The following UBL7 variants were observed in gnomAD, a reference collection of about 807,000 sequenced individuals.
UBL7 encodes ubiquitin-like protein 7.
UBL7 carries 21 observed loss-of-function variants against 41.7 expected under a neutral mutation model. The ratio of observed to expected loss-of-function variants is 0.50; its 90% CI spans 0.36 to 0.73. UBL7 has a LOEUF of 0.73. UBL7 is among the 30% of genes least tolerant of loss of function. UBL7 has a pLI of 0.00. For synonymous variants in UBL7, 157 were observed against 186.9 expected (o/e 0.84, Z 1.31); for missense variants, 403 against 478.4 (o/e 0.84, Z 1.47).
chr15:74,447,343 T>A (rs1289424049), intron 10 of UBL7, among the ~76,000 whole-genome samples: 1 of 152,228 alleles, frequency 6.6e-6, no homozygotes, highest in East Asian at 1.9e-4. Context: ...TGCATGGAGC[T>A]GTGAACTACA....
At chr15:74,459,607 G>A (rs1222237231) in intron 1 of UBL7, among the ~76,000 whole-genome samples, 1 of 151,348 alleles carries the variant, frequency 6.6e-6, no homozygotes, top group African/African-American at 2.4e-5. Flanking sequence ...ATGAGCGACT[G>A]CGCCTGGCCA....
intron 4 of UBL7, 80 bp downstream of exon 4, chr15:74,452,216 G>A: frequency 6.9e-7 from 1 of 1,447,782 alleles, no homozygotes; most frequent in Non-Finnish European, 9.4e-7. Context: ...CGGGCTTCCA[G>A]CTCCCACTCC....
chr15:74,448,629 C>G (rs1197013049), intron 9 of UBL7, 29 bp from the exon 10 acceptor site: 1 of 1,612,364 alleles, frequency 6.2e-7, no homozygotes, highest in Admixed American at 1.7e-5. Flanking sequence ...TCAGTGCCAC[C>G]CTCAGCGCCA....
chr15:74,457,819 A>G (rs990146228), intron 2 of UBL7, among the ~76,000 whole-genome samples: 120 of 152,160 alleles, frequency 7.9e-4, no homozygotes, highest in African/African-American at 2.6e-3. Flanking sequence ...AGGCTGCCCA[A>G]TTTAAATCAA....
intron 2 of UBL7, among the ~76,000 whole-genome samples, chr15:74,457,978 G>A (rs920601151): frequency 2.6e-5 from 4 of 151,438 alleles, no homozygotes; most frequent in African/African-American, 7.3e-5. Flanking sequence ...GACTGCCCAC[G>A]CCACTTTTTC....
At chr15:74,456,528 GC>G (rs1455076400) in intron 3 of UBL7, 23 bp downstream of exon 3, 15 of 1,612,764 alleles carry the variant, frequency 9.3e-6, no homozygotes, top group African/African-American at 2.7e-5. Flanking sequence ...AACTCTGCCT[GC>G]CTAAGGGCTG....
chr15:74,450,918 A>G, intron 5 of UBL7, 59 bp from the exon 6 acceptor site: 1 of 1,594,600 alleles, frequency 6.3e-7, no homozygotes, highest in Non-Finnish European at 8.6e-7. Context: ...AGGAGGGAGA[A>G]GAGGCTTTGC....
chr15:74,455,503 T>C (rs866747407), intron 3 of UBL7, among the ~76,000 whole-genome samples: 16 of 152,300 alleles, frequency 1.1e-4, no homozygotes, highest in Middle Eastern at 3.4e-3. Flanking sequence ...AGGCAGTTTG[T>C]AGGAAGATTT....
At chr15:74,450,560 C>T (rs1054043093) in intron 6 of UBL7, among the ~76,000 whole-genome samples, 3 of 152,212 alleles carry the variant, frequency 2.0e-5, no homozygotes, top group South Asian at 2.1e-4. Flanking sequence ...TTCTACCACA[C>T]GAAACCTAAA....
chr15:74,456,462 C>A, intron 3 of UBL7, 90 bp downstream of exon 3: 2 of 1,514,348 alleles, frequency 1.3e-6, no homozygotes. Flanking sequence ...TCCCTTTGTT[C>A]CACCCAGGCT....
At position 74,449,684 on chromosome 15, in the gene UBL7, G is replaced by A. The variant is rs1318198678; in HGVS notation, c.665-9C>T. 5 of 1,614,114 alleles carry A rather than the reference G, an allele frequency of 3.1e-6. No individual in the cohort carries two copies. Among genetic ancestry groups the A allele is most frequent in the Non-Finnish European group, 4.2e-6 (5 of 1,180,020 alleles). ...TTCAAACAGGAAGCCACCTGGAGGA[G>A]GACGAACAGATTTCAGGAGGAAGAA... is the stretch of plus-strand genomic sequence containing the variant. On this transcript the variant is annotated splice_polypyrimidine_tract_variant and intron_variant, in intron 7 of 10. Coordinates refer to ENST00000395081, the MANE Select transcript of UBL7 (RefSeq NM_032907.5).
chr15:74,457,367 AC>A (rs1263712994), intron 2 of UBL7, among the ~76,000 whole-genome samples: 3 of 151,868 alleles, frequency 2.0e-5, no homozygotes, highest in Non-Finnish European at 4.4e-5. Flanking sequence ...AAGATGGTAA[AC>A]CTCGTCTCTA....
chr15:74,451,375 C>T (rs1054921270), intron 5 of UBL7, 61 bp downstream of exon 5: 1 of 1,424,684 alleles, frequency 7.0e-7, no homozygotes, highest in South Asian at 1.2e-5. Flanking sequence ...GAGGAATTGT[C>T]TTCTCCTGTT....
intron 3 of UBL7, among the ~76,000 whole-genome samples, chr15:74,455,562 AGCTTTTTTCTAAT>A (rs2061286088): frequency 6.6e-6 from 1 of 152,266 alleles, no homozygotes; most frequent in African/African-American, 2.4e-5. Context: ...AAAAGTTTCC[AGCTTTTTTCTAAT>A]GAGAACAACG....
At position 74,446,104 on chromosome 15, in the gene UBL7, C is replaced by T. The variant is rs748820027; in HGVS notation, c.1129G>A (p.Gly377Arg). 7 of 1,613,908 alleles carry T rather than the reference C, an allele frequency of 4.3e-6. No homozygotes were observed. The Admixed American group carries it at 1.2e-4, about 27-fold the overall frequency. ...AAGCAGGGAGTTCATGGGGCTCCTC[C>T]AGCAAAGATGAGCTCCAGGGCTGCT... ...IQAALELIFA[G>R]GAP The change falls in exon 11 of 11, where the codon GGA (glycine) becomes AGA (arginine). Residue 377 changes from glycine (G) to arginine (R), a missense_variant. Gly to Arg is a moderately radical substitution (Grantham distance 125, BLOSUM62 -2). Coordinates refer to ENST00000395081, the MANE Select transcript of UBL7 (RefSeq NM_032907.5). This position sits in a 1 kb window ranked among gnomAD's most constrained non-coding sequence, Gnocchi z 4.1.
intron 6 of UBL7, 35 bp downstream of exon 6, chr15:74,450,767 G>T: frequency 1.2e-6 from 2 of 1,610,178 alleles, no homozygotes; most frequent in South Asian, 1.1e-5. Context: ...CACGAGGAGA[G>T]AGAAGGTACC....
rs778450980 is a variant in UBL7 at position 74,446,239 on chromosome 15, T to C, written c.1006-12A>G. The C allele has an allele frequency of 4.3e-6, 7 of 1,613,390 alleles. No homozygotes were observed. The highest frequency in any genetic ancestry group is 4.0e-5 in the African/African-American group (3 of 74,856). On this transcript the variant is annotated splice_polypyrimidine_tract_variant and intron_variant, in intron 10 of 10. Coordinates refer to ENST00000395081, the MANE Select transcript of UBL7 (RefSeq NM_032907.5). This position sits in a 1 kb window ranked among gnomAD's most constrained non-coding sequence, Gnocchi z 4.1. ...GGCTGCCACTGGCTCTGTGGAAAGA[T>C]AGGAATGGGCAGAAGCTGTTAGCTG...
At chr15:74,455,794 T>C (rs2061288113) in intron 3 of UBL7, among the ~76,000 whole-genome samples, 2 of 151,932 alleles carry the variant, frequency 1.3e-5, no homozygotes, top group South Asian at 2.1e-4. Context: ...CGAGACCAGG[T>C]TGACCAACAT....
chr15:74,456,263 C>T (rs2061293379), intron 3 of UBL7, among the ~76,000 whole-genome samples: 1 of 152,094 alleles, frequency 6.6e-6, no homozygotes, highest in South Asian at 2.1e-4. Context: ...AAGATTGTGC[C>T]ACTGCACTCC....
Sources: allele counts gnomAD v4.1 joint callset (sites outside exome capture counted in the v4.1 genomes callset), GRCh38; gene constraint gnomAD v4.1.1; non-coding constraint Gnocchi (gnomAD v3.1); transcripts MANE v1.5; gene names NCBI Gene and HGNC (gene_info 2026-07-23, HGNC 2026-07-21).